Variants in STK33 observed in about 807,000 individuals in gnomAD.
STK33 encodes the protein serine/threonine-protein kinase 33.
STK33 carries 52 observed loss-of-function variants against 58.0 expected under a neutral mutation model. The observed-to-expected ratio is 0.90, with a 90% CI of 0.72 to 1.13. The LOEUF is 1.13. Ranked by LOEUF, STK33 falls within the 50% of genes most tolerant of loss-of-function variation. The pLI is 0.00. For synonymous variants in STK33, 215 were observed against 200.1 expected, an observed-to-expected ratio of 1.07 and a Z score of -0.63; for missense variants, 630 against 604.2, an observed-to-expected ratio of 1.04 and a Z score of -0.45.
intron 7 of STK33, among the ~76,000 whole-genome samples, chr11:8,464,336 G>A (rs1388273961): frequency 6.6e-6 from 1 of 152,128 alleles, no homozygotes; most frequent in Non-Finnish European, 1.5e-5. Context: ...TAGGAGAAAA[G>A]TATATCAAAA....
At chr11:8,580,270 G>A (rs1364504079) in intron 1 of STK33, among the ~76,000 whole-genome samples, 1 of 152,090 alleles carries the variant, frequency 6.6e-6, no homozygotes, top group Admixed American at 6.5e-5. Context: ...ATACACAATG[G>A]AGTACTATTC....
intron 6 of STK33, among the ~76,000 whole-genome samples, chr11:8,468,304 C>T (rs1948424937): frequency 6.6e-6 from 1 of 152,186 alleles, no homozygotes; most frequent in Non-Finnish European, 1.5e-5. Context: ...CCCATAGGGT[C>T]CCTCCCACAA....
intron 6 of STK33, among the ~76,000 whole-genome samples, chr11:8,469,110 C>T (rs1034574095): frequency 2.0e-5 from 3 of 152,242 alleles, no homozygotes; most frequent in African/African-American, 7.2e-5. Context: ...ATAAGACAAC[C>T]ATGAAGTTTG....
intron 8 of STK33, among the ~76,000 whole-genome samples, chr11:8,460,246 G>A (rs1228609969): frequency 2.0e-5 from 3 of 152,022 alleles, no homozygotes; most frequent in Non-Finnish European, 4.4e-5. Flanking sequence ...TAATGAAGGG[G>A]AGAAAAAACA....
At position 8,436,037 on chromosome 11, in the gene STK33, T is replaced by C. The variant is rs756031730; in HGVS notation, c.1050A>G (p.Ile350Met). The stretch of plus-strand genomic sequence containing the variant: ...CGCATCTATACTTACCACAGTCACT[T>C]ATGGAATTCCAGACTGCATTTTCAA... ...LHFENAVWNS[I>M]SDCAKSVLKQ... The change falls in exon 13 of 16, where the codon ATA becomes ATG. Residue 350 changes from isoleucine (I) to methionine (M), a missense_variant. Ile to Met is a conservative substitution (Grantham distance 10). Transcript: ENST00000687296. 4 of 1,577,586 alleles carry C rather than the reference T, an allele frequency of 2.5e-6. No homozygotes were observed. Among genetic ancestry groups the C allele is most frequent in the Non-Finnish European group, 3.4e-6 (4 of 1,161,464 alleles).
At chr11:8,493,961 G>T (rs1374828516) in intron 1 of STK33, among the ~76,000 whole-genome samples, 6 of 152,102 alleles carry the variant, frequency 3.9e-5, no homozygotes, top group Non-Finnish European at 7.4e-5. Context: ...AATAATAAGA[G>T]CTATTTATGA....
intron 1 of STK33, among the ~76,000 whole-genome samples, chr11:8,497,794 AT>A (rs1951178434): frequency 6.6e-6 from 1 of 152,214 alleles, no homozygotes; most frequent in Non-Finnish European, 1.5e-5. Context: ...GAAAAAACAA[AT>A]AACCTATCAA....
At chr11:8,415,369 T>C (rs1328906986) in intron 14 of STK33, among the ~76,000 whole-genome samples, 1 of 152,186 alleles carries the variant, frequency 6.6e-6, no homozygotes, top group Non-Finnish European at 1.5e-5. Flanking sequence ...CTATCCACTT[T>C]GGGACATGAC....
chr11:8,519,424 T>G (rs1953163976), intron 1 of STK33, among the ~76,000 whole-genome samples: 1 of 151,878 alleles, frequency 6.6e-6, no homozygotes, highest in Non-Finnish European at 1.5e-5. Context: ...ACATCACAAT[T>G]AAAAGAACTA....
At chr11:8,416,719 T>A (rs141062070) in intron 14 of STK33, among the ~76,000 whole-genome samples, 1 of 152,178 alleles carries the variant, frequency 6.6e-6, no homozygotes, top group African/African-American at 2.4e-5. Flanking sequence ...GCCTTAGTAC[T>A]TGAAGAAATG....
chr11:8,564,033 C>G (rs373515106), intron 1 of STK33, among the ~76,000 whole-genome samples: 3 of 152,314 alleles, frequency 2.0e-5, no homozygotes, highest in Non-Finnish European at 2.9e-5. Context: ...ATCTGAGGCT[C>G]TATCCTACAA....
chr11:8,490,381 G>T (rs989022317), intron 1 of STK33, among the ~76,000 whole-genome samples: 1 of 152,196 alleles, frequency 6.6e-6, no homozygotes, highest in Non-Finnish European at 1.5e-5. Context: ...GTCCACCATT[G>T]CTGAGGCTTG....
intron 14 of STK33, among the ~76,000 whole-genome samples, chr11:8,414,111 T>A (rs1053108035): frequency 6.6e-6 from 1 of 151,726 alleles, no homozygotes; most frequent in Non-Finnish European, 1.5e-5. Flanking sequence ...CATCCAAATA[T>A]CTAGGCAAAA....
intron 1 of STK33, among the ~76,000 whole-genome samples, chr11:8,590,176 A>G (rs1437072071): frequency 6.6e-6 from 1 of 152,190 alleles, no homozygotes; most frequent in East Asian, 1.9e-4. Flanking sequence ...CTGCATTAAC[A>G]TTTTACGTAA....
chr11:8,483,291 G>A (rs975691688), intron 1 of STK33, among the ~76,000 whole-genome samples: 2 of 152,050 alleles, frequency 1.3e-5, no homozygotes, highest in Non-Finnish European at 2.9e-5. Flanking sequence ...CCAGATGAAT[G>A]GAAGGAGGTG....
intron 1 of STK33, among the ~76,000 whole-genome samples, chr11:8,507,168 C>T (rs904802101): frequency 1.3e-5 from 2 of 152,078 alleles, no homozygotes; most frequent in African/African-American, 4.8e-5. Flanking sequence ...AGCAGCCTTG[C>T]CCCCAAAAAG....
At chr11:8,496,234 T>C (rs923510037) in intron 1 of STK33, among the ~76,000 whole-genome samples, 1 of 152,120 alleles carries the variant, frequency 6.6e-6, no homozygotes, top group Non-Finnish European at 1.5e-5. Context: ...GAAGGAACAC[T>C]CAGGAACAAC....
At chr11:8,443,901 G>C (rs990553481) in intron 11 of STK33, among the ~76,000 whole-genome samples, 3 of 152,186 alleles carry the variant, frequency 2.0e-5, no homozygotes, top group African/African-American at 7.2e-5. Flanking sequence ...TGGCTCCTGG[G>C]GAGGCTGAGG....
At chr11:8,353,395 C>G in the STK33 span, among the ~76,000 whole-genome samples, 366 of 152,310 alleles carry the variant, frequency 2.4e-3, 1 homozygote, top group African/African-American at 8.3e-3. Flanking sequence ...CCGGTTTTGT[C>G]TCTCTTGACT....
Sources: gnomAD v4.1 joint callset for allele counts (sites outside exome capture counted in the v4.1 genomes callset) on GRCh38, gnomAD v4.1.1 for gene constraint, MANE v1.5 for transcripts, NCBI Gene and HGNC (gene_info 2026-07-23, HGNC 2026-07-21) for gene names.